DST: variants seen among roughly 807,000 people sequenced by gnomAD.
DST encodes the protein dystonin.
A neutral mutation model predicts 875.2 loss-of-function variants in DST; 253 were observed. The observed-to-expected ratio is 0.29, with a 90% CI of 0.26 to 0.32. The LOEUF is 0.32. Among genes scored for constraint, DST ranks in the 10% least tolerant of loss-of-function variants. DST has a pLI of 1.00. For synonymous variants in DST, 3,124 were observed against 3,197.1 expected, an observed-to-expected ratio of 0.98 and a Z score of 0.77; for missense variants, 8,287 against 9,111.6, an observed-to-expected ratio of 0.91 and a Z score of 3.68.
At chr6:56,538,260 G>T (rs943754686) in intron 61 of DST, among the ~76,000 whole-genome samples, 2 of 152,160 alleles carry the variant, frequency 1.3e-5, no homozygotes, top group Admixed American at 6.6e-5. Context: ...AAAGTGCTGG[G>T]ATTACAGGTA....
chr6:56,718,972 T>G (rs1463305740), intron 5 of DST, among the ~76,000 whole-genome samples: 1 of 152,166 alleles, frequency 6.6e-6, no homozygotes, highest in African/African-American at 2.4e-5. Context: ...AATTAGGCTA[T>G]GGTAATAGTT....
chr6:56,584,782 T>A (rs1385225043), intron 49 of DST, among the ~76,000 whole-genome samples: 2 of 152,298 alleles, frequency 1.3e-5, no homozygotes, highest in African/African-American at 2.4e-5. Context: ...ATACCTAATT[T>A]ATTGACAGTT....
At chr6:56,481,954 G>C (rs2095415940) in intron 90 of DST, 96 bp downstream of exon 90, 2 of 1,364,384 alleles carry the variant, frequency 1.5e-6, no homozygotes, top group Admixed American at 2.0e-5. Context: ...TCTCAGGAAG[G>C]AAAATATTCA....
chr6:56,787,589 A>G (rs979973838), intron 4 of DST, among the ~76,000 whole-genome samples: 4 of 152,250 alleles, frequency 2.6e-5, no homozygotes, highest in African/African-American at 9.6e-5. Flanking sequence ...ACAAAAAATA[A>G]TATGTAGACT....
chr6:56,894,954 C>T (rs1400036340), intron 3 of DST, among the ~76,000 whole-genome samples: 20 of 93,978 alleles, frequency 2.1e-4, no homozygotes, highest in African/African-American at 1.0e-3. Context: ...CCTCACCTCC[C>T]GGACGGGGCG....
rs761804060 is a variant in DST, at chr6:56,629,268, T to C, written c.4457A>G (p.His1486Arg). The C allele has an allele frequency of 2.1e-5, 34 of 1,613,628 alleles. No homozygotes were observed. Among genetic ancestry groups the C allele is most frequent in the Non-Finnish European group, 2.9e-5 (34 of 1,179,750 alleles). Residue 1486 changes from histidine to arginine, a missense_variant, in exon 32 of 104, where the codon CAT becomes CGT. Physicochemically the swap from His to Arg is conservative, Grantham distance 29. Transcript: ENST00000680361. ...DQLVERWQNV[H>R]VQIDNRLRDL... ...TACTAACCTGTTGTCAATCTGCACA[T>C]GAACATTTTGCCACCTTTCAACTAA...
chr6:56,588,837 A>T (rs921180835), intron 49 of DST, among the ~76,000 whole-genome samples: 1 of 152,210 alleles, frequency 6.6e-6, no homozygotes, highest in Non-Finnish European at 1.5e-5. Flanking sequence ...GATCTAGAAT[A>T]CCACAACCTA....
intron 50 of DST, among the ~76,000 whole-genome samples, chr6:56,575,660 G>A (rs528639143): frequency 3.3e-5 from 5 of 152,294 alleles, no homozygotes; most frequent in Non-Finnish European, 7.4e-5. Flanking sequence ...TTTGGAAGAT[G>A]TGATATTATC....
At position 56,603,865 on chromosome 6, in the gene DST, A is replaced by G; in HGVS notation, c.10763T>C (p.Met3588Thr). The G allele has an allele frequency of 6.2e-7, 1 of 1,610,800 alleles. No individual in the cohort carries two copies. The highest frequency in any genetic ancestry group is 8.5e-7 in the Non-Finnish European group (1 of 1,178,528). The change falls in exon 40 of 104, where the codon ATG becomes ACG. Residue 3588 changes from methionine (M) to threonine (T), a missense_variant. This residue lies in a region of DST where 3,138 missense variants were observed against 3,116.6 expected (regional missense o/e 1.01). Coordinates refer to ENST00000680361, the MANE Select transcript of DST (RefSeq NM_001374736.1). ...TTCGGTTGAGCTATCTCCAGAAGCC[A>G]TCTCTTTAGACCCTGAAGTACATTC... The part of the protein sequence containing the change: ...HLECTSGSKE[M>T]ASGDSSTEQF...
chr6:56,647,000 A>G (rs2098946687), intron 13 of DST, among the ~76,000 whole-genome samples: 1 of 152,200 alleles, frequency 6.6e-6, no homozygotes, highest in Non-Finnish European at 1.5e-5. Context: ...GCATTTCCCC[A>G]TGATGTATTT....
At position 56,607,823 on chromosome 6, in the gene DST, T is replaced by C. The variant is rs1190285432; in HGVS notation, c.6805A>G (p.Lys2269Glu). ...CTTGGTGTAGCTGTACATTCATCCT[T>C]TTCTCTACCTGAAGCATTATTAAGA... is the stretch of plus-strand genomic sequence containing the variant. ...VFLNNASGRE[K>E]DECTATPSSF... The change falls in exon 40 of 104, where the codon AAG becomes GAG. Residue 2269 changes from lysine (K) to glutamate (E), a missense_variant. Physicochemically the swap from Lys to Glu is moderately conservative, Grantham distance 56. Transcript: ENST00000680361. 4 of 1,613,546 alleles carry C rather than the reference T, an allele frequency of 2.5e-6. 1 individual carries two copies. The South Asian group carries it at 4.4e-5, about 18-fold the overall frequency.
chr6:56,916,776 TCTCACACACA>T (rs1279763425), intron 2 of DST, among the ~76,000 whole-genome samples: 12 of 71,936 alleles, frequency 1.7e-4, no homozygotes, highest in Non-Finnish European at 2.8e-4. Context: ...TCTCTCTCTC[TCTCACACACA>T]CACACACACA....
intron 71 of DST, 68 bp from the exon 72 acceptor site, chr6:56,515,736 G>A: frequency 8.2e-7 from 1 of 1,221,770 alleles, no homozygotes; most frequent in Non-Finnish European, 1.2e-6. Context: ...AGAGTGCTCT[G>A]TCCAGCACAG....
intron 3 of DST, among the ~76,000 whole-genome samples, chr6:56,890,578 A>T (rs1347833170): frequency 1.3e-5 from 2 of 152,226 alleles, no homozygotes; most frequent in African/African-American, 4.8e-5. Flanking sequence ...GGAGTAAAAT[A>T]AAAAATCTAG....
chr6:56,506,715 C>A lies in DST; in HGVS notation c.19314G>T (p.Ala6438=), dbSNP rs761750412. ...IVINLGSELI[A]ACGEPDKPIV... is the part of the protein sequence containing the mutation. ...TGGGTTTATCAGGCTCCCCACATGC[C>A]GCAATGAGTTCAGAACCTAGGTTAA... Residue 6438 remains alanine (A), a synonymous_variant, in exon 76 of 104, where the codon GCG becomes GCT. Coordinates refer to ENST00000680361, the MANE Select transcript of DST (RefSeq NM_001374736.1). The A allele has an allele frequency of 6.2e-7, 1 of 1,613,568 alleles. No homozygotes were observed. The highest frequency in any genetic ancestry group is 8.5e-7 in the Non-Finnish European group (1 of 1,179,650).
At chr6:56,537,755 C>T (rs2152525992) in intron 61 of DST, among the ~76,000 whole-genome samples, 1 of 152,252 alleles carries the variant, frequency 6.6e-6, no homozygotes, top group East Asian at 1.9e-4. Flanking sequence ...CCCCAGTTGC[C>T]TGTGACTGGC....
chr6:56,691,469 C>A (rs2099228815), intron 9 of DST, among the ~76,000 whole-genome samples: 2 of 152,166 alleles, frequency 1.3e-5, no homozygotes, highest in Admixed American at 6.6e-5. Context: ...TGCAAATGAT[C>A]TCTGCTCATT....
chr6:56,833,688 T>C (rs910826338), intron 4 of DST, among the ~76,000 whole-genome samples: 1 of 151,980 alleles, frequency 6.6e-6, no homozygotes, highest in African/African-American at 2.4e-5. Flanking sequence ...ATGAAGCAGA[T>C]ACAATAAATA....
chr6:56,779,653 A>C (rs1258390274), intron 4 of DST, among the ~76,000 whole-genome samples: 1 of 151,178 alleles, frequency 6.6e-6, no homozygotes, highest in East Asian at 1.9e-4. Flanking sequence ...TCATTTCCCC[A>C]TTTCTTGTTT....
Sources: gnomAD v4.1 joint callset for allele counts (sites outside exome capture counted in the v4.1 genomes callset) on GRCh38, gnomAD v4.1.1 for gene constraint, gnomAD v4.1.1 regional missense constraint, MANE v1.5 for transcripts, NCBI Gene and HGNC (gene_info 2026-07-23, HGNC 2026-07-21) for gene names.